CAMKMT: variants seen among roughly 807,000 people sequenced by gnomAD.
CAMKMT encodes calmodulin-lysine N-methyltransferase.
In CAMKMT, 53 loss-of-function variants were observed where a neutral mutation model predicts 48.0. The observed-to-expected ratio is 1.10, with a 90% CI of 0.89 to 1.39. The LOEUF is 1.39. Among genes scored for constraint, CAMKMT ranks in the 40% most tolerant of loss-of-function variants. The pLI, the probability that CAMKMT is intolerant of heterozygous loss-of-function variation, is 0.00. For missense variants in CAMKMT, 428 were observed against 402.7 expected (o/e 1.06, Z -0.54); for synonymous variants, 165 against 152.3 (o/e 1.08, Z -0.61).
chr2:44,486,874 A>G (rs1669242198), intron 3 of CAMKMT, among the ~76,000 whole-genome samples: 1 of 152,226 alleles, frequency 6.6e-6, no homozygotes, highest in Non-Finnish European at 1.5e-5. Flanking sequence ...TTTAGATTCC[A>G]GTGCCTAACA....
intron 3 of CAMKMT, among the ~76,000 whole-genome samples, chr2:44,583,975 C>A (rs1425226295): frequency 6.6e-6 from 1 of 152,064 alleles, no homozygotes. Flanking sequence ...TGTATACATA[C>A]CCACACATCC....
intron 3 of CAMKMT, among the ~76,000 whole-genome samples, chr2:44,643,945 A>T (rs1314641866): frequency 2.0e-5 from 3 of 152,242 alleles, no homozygotes; most frequent in Admixed American, 2.0e-4. Context: ...TTGATGAAAT[A>T]TCTCTGTCCA....
At chr2:44,397,619 CAG>C (rs1681976035) in intron 3 of CAMKMT, among the ~76,000 whole-genome samples, 1 of 151,988 alleles carries the variant, frequency 6.6e-6, no homozygotes, top group African/African-American at 2.4e-5. Context: ...AATTCATAAA[CAG>C]AGCCCTACAC....
chr2:44,514,618 T>C (rs761276491), intron 3 of CAMKMT, among the ~76,000 whole-genome samples: 62 of 152,166 alleles, frequency 4.1e-4, no homozygotes, highest in Non-Finnish European at 7.6e-4. Flanking sequence ...GAAGAACTAT[T>C]GAGATTGTAA....
chr2:44,538,958 CTGTGTGTGTG>C (rs57970764), intron 3 of CAMKMT, among the ~76,000 whole-genome samples: 5,207 of 140,164 alleles, frequency 0.037, 178 homozygotes, highest in African/African-American at 0.088. Context: ...GTGTGTGTGT[CTGTGTGTGTG>C]TGTGTGTGTG....
At chr2:44,654,878 T>C (rs1422268982) in intron 3 of CAMKMT, among the ~76,000 whole-genome samples, 3 of 152,234 alleles carry the variant, frequency 2.0e-5, no homozygotes, top group Non-Finnish European at 4.4e-5. Context: ...CAATAAATAT[T>C]TCTAGGAACC....
At chr2:44,423,444 G>A (rs972252268) in intron 3 of CAMKMT, among the ~76,000 whole-genome samples, 10 of 151,994 alleles carry the variant, frequency 6.6e-5, no homozygotes, top group East Asian at 1.9e-4. Flanking sequence ...TTGGCCTCCC[G>A]AAGTGCTGGC....
chr2:44,540,148 A>G (rs894440933), intron 3 of CAMKMT, among the ~76,000 whole-genome samples: 13 of 87,364 alleles, frequency 1.5e-4, no homozygotes, highest in Non-Finnish European at 3.4e-4. Context: ...CCTCTCTTAT[A>G]TATGTATATA....
chr2:44,609,133 G>A (rs1965788), intron 3 of CAMKMT, among the ~76,000 whole-genome samples: 80,120 of 152,044 alleles, frequency 0.53, 23,773 homozygotes, highest in Middle Eastern at 0.66. Context: ...ACTGTAGCTC[G>A]TGTCCTAAGA....
At chr2:44,649,676 A>C (rs145843844) in intron 3 of CAMKMT, among the ~76,000 whole-genome samples, 3 of 152,272 alleles carry the variant, frequency 2.0e-5, no homozygotes, top group East Asian at 3.9e-4. Context: ...TCTTTTTCCC[A>C]ACATTTGGCT....
At chr2:44,403,367 A>G (rs1682561586) in intron 3 of CAMKMT, among the ~76,000 whole-genome samples, 1 of 152,092 alleles carries the variant, frequency 6.6e-6, no homozygotes, top group South Asian at 2.1e-4. Context: ...CAGTCTGGAG[A>G]GACTAGACCC....
chr2:44,619,452 T>C (rs972868961), intron 3 of CAMKMT, among the ~76,000 whole-genome samples: 2 of 116,180 alleles, frequency 1.7e-5, no homozygotes, highest in African/African-American at 5.8e-5. Context: ...TAATTTTAGC[T>C]GATTATGTGT....
intron 3 of CAMKMT, among the ~76,000 whole-genome samples, chr2:44,585,118 T>C (rs1669786311): frequency 2.6e-5 from 4 of 152,108 alleles, no homozygotes; most frequent in Admixed American, 2.6e-4. Flanking sequence ...CCCAGCTTTT[T>C]AAAAGGGGAG....
intron 3 of CAMKMT, among the ~76,000 whole-genome samples, chr2:44,414,549 A>G (rs1486128404): frequency 1.3e-5 from 2 of 152,200 alleles, no homozygotes; most frequent in Non-Finnish European, 2.9e-5. Flanking sequence ...GTGTAAGATC[A>G]GAGAGACAGA....
At chr2:44,541,027 A>G (rs541867421) in intron 3 of CAMKMT, among the ~76,000 whole-genome samples, 1 of 152,344 alleles carries the variant, frequency 6.6e-6, no homozygotes, top group East Asian at 1.9e-4. Flanking sequence ...TTCTATATGT[A>G]CATGGGTATA....
intron 2 of CAMKMT, among the ~76,000 whole-genome samples, chr2:44,375,422 A>C (rs1356319594): frequency 2.0e-5 from 3 of 151,778 alleles, no homozygotes; most frequent in Admixed American, 6.6e-5. Flanking sequence ...ATGCTTAAGG[A>C]GCTGAAATAG....
At chr2:44,501,274 A>T (rs1389068409) in intron 3 of CAMKMT, among the ~76,000 whole-genome samples, 3 of 152,096 alleles carry the variant, frequency 2.0e-5, no homozygotes, top group African/African-American at 7.2e-5. Flanking sequence ...CTTTATTTAT[A>T]ACCACGTGTG....
intron 9 of CAMKMT, among the ~76,000 whole-genome samples, chr2:44,764,387 A>G (rs1680748233): frequency 6.6e-6 from 1 of 150,388 alleles, no homozygotes; most frequent in Non-Finnish European, 1.5e-5. Context: ...ACATCAGTAT[A>G]ATCTTTCTAA....
At chr2:44,763,187 CT>C (rs1174512937) in intron 9 of CAMKMT, among the ~76,000 whole-genome samples, 1 of 152,092 alleles carries the variant, frequency 6.6e-6, no homozygotes, top group Non-Finnish European at 1.5e-5. Flanking sequence ...ATTAATCCAC[CT>C]CTCAAAGGTG....
Sources: gnomAD v4.1 joint callset for allele counts (sites outside exome capture counted in the v4.1 genomes callset) on GRCh38, gnomAD v4.1.1 for gene constraint, MANE v1.5 for transcripts, NCBI Gene and HGNC (gene_info 2026-07-23, HGNC 2026-07-21) for gene names.